The following IL1RAPL2 variants were observed in gnomAD, a reference collection of about 807,000 sequenced individuals.
IL1RAPL2 encodes the protein interleukin 1 receptor accessory protein like 2.
IL1RAPL2 carries 3 observed loss-of-function variants against 44.1 expected under a neutral mutation model. That is an observed-to-expected ratio of 0.07 (90% CI 0.03 to 0.18). The LOEUF (loss-of-function observed/expected upper bound fraction) is 0.18, where lower values mean the gene tolerates loss of function less well. Ranked by LOEUF, IL1RAPL2 falls within the 10% of genes least tolerant of loss-of-function variation. IL1RAPL2 has a pLI of 1.00. For synonymous variants in IL1RAPL2, 181 were observed against 178.8 expected, an observed-to-expected ratio of 1.01 and a Z score of -0.10; for missense variants, 391 against 496.4, an observed-to-expected ratio of 0.79 and a Z score of 2.02.
At chrX:105,169,192 G>A (rs2033398836) in intron 2 of IL1RAPL2, among the ~76,000 whole-genome samples, 1 of 111,448 alleles carries the variant, frequency 9.0e-6, no homozygotes, top group Admixed American at 9.5e-5. Context: ...GCCCCTATGG[G>A]CCAAATACTC....
intron 6 of IL1RAPL2, among the ~76,000 whole-genome samples, chrX:105,617,997 G>T (rs754336089): frequency 1.8e-5 from 2 of 110,493 alleles, no homozygotes; most frequent in South Asian, 7.6e-4. Context: ...ATTAACCAGA[G>T]AAGTCTTTCC....
chrX:105,369,237 A>G (rs1001203213), intron 5 of IL1RAPL2, among the ~76,000 whole-genome samples: 2 of 110,497 alleles, frequency 1.8e-5, no homozygotes, highest in Non-Finnish European at 3.8e-5. Flanking sequence ...TGACTCTCTG[A>G]TACTTTCTGT....
chrX:104,929,772 C>T (rs888912513), intron 2 of IL1RAPL2, among the ~76,000 whole-genome samples: 1 of 111,397 alleles, frequency 9.0e-6, no homozygotes, highest in African/African-American at 3.3e-5. Context: ...GCATCCACCT[C>T]TTTGCCACAA....
chrX:105,218,536 G>A (rs2033890685), intron 3 of IL1RAPL2, among the ~76,000 whole-genome samples: 1 of 111,219 alleles, frequency 9.0e-6, no homozygotes, highest in Non-Finnish European at 1.9e-5. Context: ...GCGAGTAGAG[G>A]GTGGGGTGTT....
At chrX:104,874,865 C>CAGAT (rs1922863332) in intron 2 of IL1RAPL2, among the ~76,000 whole-genome samples, 1 of 111,564 alleles carries the variant, frequency 9.0e-6, no homozygotes, top group African/African-American at 3.3e-5. Context: ...CTGAAGTAGG[C>CAGAT]AGATACTGGC....
intron 5 of IL1RAPL2, among the ~76,000 whole-genome samples, chrX:105,307,524 TTATATTATATATATTA>T (rs2034753017): frequency 1.8e-5 from 1 of 55,451 alleles, no homozygotes; most frequent in South Asian, 7.3e-4. Context: ...TATATATATT[TTATATTATATATATTA>T]TATATAATAT....
intron 1 of IL1RAPL2, chrX:104,647,153 AG>A: frequency 3.7e-6 from 1 of 270,039 alleles, no homozygotes; most frequent in Non-Finnish European, 6.9e-6. Context: ...AAGAATCATC[AG>A]GGCTGTGGCC....
rs1301114173 is a variant in IL1RAPL2 at position 105,670,146 on chromosome X, T to TATA, written c.773-47219_773-47218insAAT. Among the ~76,000 whole-genome samples, 66 of 46,329 alleles carry TATA rather than the reference T, an allele frequency of 1.4e-3. 9 individuals are homozygous for TATA. The highest frequency in any genetic ancestry group is 4.4e-3 in the East Asian group (8 of 1,804). 40.2% of individuals were successfully genotyped at this position (46,329 alleles called of 115,157 possible). A position where few individuals can be genotyped will look rare whatever the true frequency, so the allele number is the denominator to read the frequency against. ...ATATATATATATATATATATATATA[T>TATA]ATCTCCACCAGACCACACAGTCTTG... On this transcript the variant is annotated intron_variant, in intron 6 of 10. Transcript: ENST00000372582.
At chrX:105,012,645 T>TCACACACACACA (rs1168286976) in intron 2 of IL1RAPL2, among the ~76,000 whole-genome samples, 1 of 48,509 alleles carries the variant, frequency 2.1e-5, no homozygotes, top group African/African-American at 9.6e-5. Context: ...TCTCTCTCTC[T>TCACACACACACA]CACACACACA....
At chrX:105,548,489 C>T (rs770228485) in intron 6 of IL1RAPL2, among the ~76,000 whole-genome samples, 1 of 111,938 alleles carries the variant, frequency 8.9e-6, no homozygotes, top group African/African-American at 3.2e-5. Flanking sequence ...GCCAGTATAG[C>T]TGGAGCAAAG....
intron 1 of IL1RAPL2, among the ~76,000 whole-genome samples, chrX:104,621,739 C>G (rs1602647712): frequency 9.0e-6 from 1 of 110,781 alleles, no homozygotes; most frequent in African/African-American, 3.3e-5. Context: ...TTTTTTCTCC[C>G]AAAATAGAAG....
At chrX:104,893,180 T>C (rs986561870) in intron 2 of IL1RAPL2, among the ~76,000 whole-genome samples, 14 of 111,986 alleles carry the variant, frequency 1.3e-4, no homozygotes, top group Non-Finnish European at 2.3e-4. Context: ...TCTGTTCTTT[T>C]ACATTTTGCT....
At chrX:105,486,645 C>T (rs191772916) in intron 6 of IL1RAPL2, among the ~76,000 whole-genome samples, 1 of 110,614 alleles carries the variant, frequency 9.0e-6, no homozygotes, top group East Asian at 2.8e-4. Context: ...ATGACGGTCT[C>T]GTATCATTAG....
chrX:105,577,796 A>G (rs2037061076), intron 6 of IL1RAPL2, among the ~76,000 whole-genome samples: 1 of 110,782 alleles, frequency 9.0e-6, no homozygotes, highest in Non-Finnish European at 1.9e-5. Context: ...TAGTACTTAC[A>G]TGGTCAAAAA....
chrX:105,200,834 T>C (rs147869630), intron 3 of IL1RAPL2, among the ~76,000 whole-genome samples: 1,421 of 110,666 alleles, frequency 0.013, 28 homozygotes, highest in African/African-American at 0.045. Context: ...ATTGCTTGAA[T>C]CGGGAGGCAG....
chrX:104,585,363 A>AT (rs1928531627), intron 1 of IL1RAPL2, among the ~76,000 whole-genome samples: 1 of 23,951 alleles, frequency 4.2e-5, no homozygotes, highest in South Asian at 1.4e-3. Context: ...TATATATATT[A>AT]TATATATTAT....
At chrX:104,992,160 C>T (rs1300419250) in intron 2 of IL1RAPL2, among the ~76,000 whole-genome samples, 3 of 110,840 alleles carry the variant, frequency 2.7e-5, no homozygotes, top group Non-Finnish European at 5.7e-5. Flanking sequence ...TCATGAATGG[C>T]CTTTGTAGAA....
intron 1 of IL1RAPL2, among the ~76,000 whole-genome samples, chrX:104,633,258 G>T (rs5962438): frequency 0.062 from 6,943 of 111,278 alleles, 522 homozygotes; most frequent in African/African-American, 0.22. Context: ...TTTTATTGAG[G>T]ATTTTTGCAT....
intron 5 of IL1RAPL2, among the ~76,000 whole-genome samples, chrX:105,310,563 T>G (rs749982639): frequency 8.9e-6 from 1 of 111,757 alleles, no homozygotes; most frequent in Non-Finnish European, 1.9e-5. Flanking sequence ...TTATATAATC[T>G]ATTTTAAACA....
Sources: allele counts gnomAD v4.1 joint callset (sites outside exome capture counted in the v4.1 genomes callset), GRCh38; gene constraint gnomAD v4.1.1; transcripts MANE v1.5; gene names NCBI Gene and HGNC (gene_info 2026-07-23, HGNC 2026-07-21).